DTNBP1: variants seen among roughly 807,000 people sequenced by gnomAD.
DTNBP1 encodes dystrobrevin binding protein 1, also known as dysbindin.
In DTNBP1, 35 loss-of-function variants were observed where a neutral mutation model predicts 42.8. That is an observed-to-expected ratio of 0.82 (90% CI 0.63 to 1.09). The LOEUF is 1.09. Ranked by LOEUF, DTNBP1 falls within the 50% of genes least tolerant of loss-of-function variation. The pLI, the probability that DTNBP1 is intolerant of heterozygous loss-of-function variation, is 0.00. For missense variants in DTNBP1, 457 were observed against 424.2 expected (o/e 1.08, Z -0.68); for synonymous variants, 171 against 162.2 (o/e 1.05, Z -0.41).
chr6:15,588,675 C>T (rs1162799673), intron 7 of DTNBP1, among the ~76,000 whole-genome samples: 1 of 152,200 alleles, frequency 6.6e-6, no homozygotes, highest in East Asian at 1.9e-4. Context: ...AACTTCATCC[C>T]TCATCACTTC....
At chr6:15,545,921 C>T (rs931773817) in intron 7 of DTNBP1, 5 of 358,208 alleles carry the variant, frequency 1.4e-5, no homozygotes, top group Non-Finnish European at 2.2e-5. Context: ...TTTAGAAGAC[C>T]GGGGTCTGAC....
intron 7 of DTNBP1, among the ~76,000 whole-genome samples, chr6:15,580,656 G>A (rs1006530297): frequency 6.6e-6 from 1 of 152,202 alleles, no homozygotes; most frequent in Non-Finnish European, 1.5e-5. Context: ...CCTCAAAAAT[G>A]TTTGAGGCTA....
At chr6:15,630,025 A>C (rs1386797689) in intron 4 of DTNBP1, among the ~76,000 whole-genome samples, 2 of 152,212 alleles carry the variant, frequency 1.3e-5, no homozygotes, top group Non-Finnish European at 2.9e-5. Context: ...AGTAACTCAG[A>C]ATAAACCAAG....
intron 6 of DTNBP1, among the ~76,000 whole-genome samples, chr6:15,613,343 T>C (rs140483039): frequency 1 from 102,451 of 102,458 alleles, 51,222 homozygotes; most frequent in Middle Eastern, 1. Flanking sequence ...TGCCCCTTTT[T>C]TGACACGGAC....
At position 15,523,652 on chromosome 6, in the gene DTNBP1, T is replaced by A. The variant is rs57459363; in HGVS notation, c.812-433A>T. On this transcript the variant is annotated intron_variant, in intron 9 of 9. Coordinates refer to ENST00000344537, the MANE Select transcript of DTNBP1 (RefSeq NM_032122.5). Reference sequence around the variant, plus strand: ...GACCTTCAGCAGTTCTCCAATTTTATGGAACTAAATAGGCTCTTCAAGGAA... The same window carrying A: ...GACCTTCAGCAGTTCTCCAATTTTAAGGAACTAAATAGGCTCTTCAAGGAA... 4.9e-3 allele frequency: 6,306 copies of A among 1,287,396 alleles called. 264 individuals carry two copies. In the African/African-American group the frequency reaches 0.084, roughly 17 times the overall value. 79.7% of individuals were successfully genotyped at this position (1,287,396 alleles called of 1,614,324 possible).
chr6:15,579,857 G>C (rs1775748059), intron 7 of DTNBP1: 2 of 455,346 alleles, frequency 4.4e-6, no homozygotes, highest in Admixed American at 4.7e-5. Context: ...TCAATGCAAA[G>C]AAATGTTTGA....
chr6:15,575,884 G>T (rs1775539689), intron 7 of DTNBP1, among the ~76,000 whole-genome samples: 1 of 152,174 alleles, frequency 6.6e-6, no homozygotes, highest in Admixed American at 6.5e-5. Flanking sequence ...TGGACTCCAT[G>T]AAGAAGGGTC....
intron 6 of DTNBP1, among the ~76,000 whole-genome samples, chr6:15,604,966 A>T (rs1327449126): frequency 6.6e-6 from 1 of 152,188 alleles, no homozygotes; most frequent in Non-Finnish European, 1.5e-5. Flanking sequence ...ATGTTTCTGG[A>T]GTCAGTATGC....
intron 7 of DTNBP1, among the ~76,000 whole-genome samples, chr6:15,536,100 T>G (rs985562978): frequency 6.6e-6 from 1 of 152,198 alleles, no homozygotes; most frequent in African/African-American, 2.4e-5. Context: ...CACAAGGAGA[T>G]AGTTTGAACT....
chr6:15,625,824 G>A (rs561988694), intron 5 of DTNBP1, among the ~76,000 whole-genome samples: 1 of 152,320 alleles, frequency 6.6e-6, no homozygotes, highest in Admixed American at 6.5e-5. Flanking sequence ...ACAGGAAGAT[G>A]AGCTGAAAGA....
At chr6:15,596,945 T>C (rs1776538996) in intron 6 of DTNBP1, among the ~76,000 whole-genome samples, 1 of 152,154 alleles carries the variant, frequency 6.6e-6, no homozygotes, top group Non-Finnish European at 1.5e-5. Flanking sequence ...GTCAATTCCA[T>C]CTCAAAAGAT....
intron 6 of DTNBP1, among the ~76,000 whole-genome samples, chr6:15,594,733 A>C (rs954718930): frequency 4.6e-5 from 7 of 152,084 alleles, no homozygotes; most frequent in African/African-American, 1.4e-4. Flanking sequence ...AGTTGACAGA[A>C]CACTCAGTTC....
chr6:15,614,460 GCC>G (rs1236060249), intron 6 of DTNBP1, among the ~76,000 whole-genome samples: 1 of 152,106 alleles, frequency 6.6e-6, no homozygotes, highest in Non-Finnish European at 1.5e-5. Flanking sequence ...AACTAGCAAA[GCC>G]CGCCTCCAGC....
intron 7 of DTNBP1, among the ~76,000 whole-genome samples, chr6:15,578,644 GTAGAGT>G (rs1190004583): frequency 1.3e-5 from 2 of 152,138 alleles, no homozygotes; most frequent in Non-Finnish European, 1.5e-5. Context: ...TCTAGATTAA[GTAGAGT>G]TAAAGTAATA....
intron 4 of DTNBP1, among the ~76,000 whole-genome samples, chr6:15,628,417 T>C (rs1002942677): frequency 2.9e-4 from 43 of 147,050 alleles, no homozygotes; most frequent in African/African-American, 9.8e-4. Context: ...TTTTTTTTTT[T>C]TTTTTGAGAC....
At chr6:15,652,947 C>T (rs988800829) in intron 1 of DTNBP1, among the ~76,000 whole-genome samples, 1 of 152,154 alleles carries the variant, frequency 6.6e-6, no homozygotes, top group Non-Finnish European at 1.5e-5. Flanking sequence ...TTACTTACCC[C>T]AAGCCCCTTT....
At chr6:15,586,083 A>G in intron 7 of DTNBP1, 1 of 1,072,596 alleles carries the variant, frequency 9.3e-7, no homozygotes. Flanking sequence ...GGCTGAAAAT[A>G]ACTAAATCCA....
chr6:15,654,252 A>G lies in DTNBP1; in HGVS notation c.57-2112T>C, dbSNP rs114012841. On this transcript the variant is annotated intron_variant, in intron 1 of 9. Coordinates refer to ENST00000344537, the MANE Select transcript of DTNBP1 (RefSeq NM_032122.5). Reference sequence around the variant, plus strand: ...TCTCAGTTTATCCTGGAAACTAGTAAATCTGGTTTAAACCAAGATTAAGCA... The same window carrying G: ...TCTCAGTTTATCCTGGAAACTAGTAGATCTGGTTTAAACCAAGATTAAGCA... 1.9e-3 allele frequency among the ~76,000 whole-genome samples: 293 copies of G among 152,360 alleles called. 4 individuals carry two copies. In the Middle Eastern group the frequency reaches 0.024, roughly 12 times the overall value.
chr6:15,532,310 T>G (rs1772899031), intron 8 of DTNBP1, among the ~76,000 whole-genome samples: 2 of 152,238 alleles, frequency 1.3e-5, no homozygotes, highest in African/African-American at 4.8e-5. Flanking sequence ...AAGAAGGAGT[T>G]CGGTGTCTGG....
Sources: allele counts gnomAD v4.1 joint callset (sites outside exome capture counted in the v4.1 genomes callset), GRCh38; gene constraint gnomAD v4.1.1; transcripts MANE v1.5; gene names NCBI Gene and HGNC (gene_info 2026-07-23, HGNC 2026-07-21).